CCDC7: variants seen among roughly 807,000 people sequenced by gnomAD.
The protein encoded by CCDC7 is coiled-coil domain-containing protein 7.
CCDC7 carries 183 observed loss-of-function variants against 196.9 expected under a neutral mutation model. The observed-to-expected ratio is 0.93, with a 90% CI of 0.82 to 1.05. The LOEUF (loss-of-function observed/expected upper bound fraction) is 1.05, where lower values mean the gene tolerates loss of function less well. Among genes scored for constraint, CCDC7 ranks in the 50% least tolerant of loss-of-function variants. The probability of loss-of-function intolerance (pLI) is 0.00; values close to 1 mark genes in which losing one functional copy is unlikely to be tolerated. For synonymous variants in CCDC7, 525 were observed against 484.6 expected (o/e 1.08, Z -1.10); for missense variants, 1,540 against 1,482.2 (o/e 1.04, Z -0.64).
chr10:32,792,575 C>CA (rs2082879921), intron 29 of CCDC7, among the ~76,000 whole-genome samples: 1 of 152,050 alleles, frequency 6.6e-6, no homozygotes, highest in Non-Finnish European at 1.5e-5. Context: ...CTGAGGTGGG[C>CA]AGATCACCTG....
chr10:32,556,313 C>G (rs1179320524), intron 13 of CCDC7, among the ~76,000 whole-genome samples: 1 of 152,096 alleles, frequency 6.6e-6, no homozygotes, highest in Non-Finnish European at 1.5e-5. Context: ...ATGGCTTAAA[C>G]AAGGTAGAAT....
intron 18 of CCDC7, among the ~76,000 whole-genome samples, chr10:32,631,564 T>A (rs143640309): frequency 6.6e-6 from 1 of 152,118 alleles, no homozygotes; most frequent in Non-Finnish European, 1.5e-5. Flanking sequence ...TTGTACCAAG[T>A]TTTTAAATTG....
At chr10:32,566,670 G>A (rs1272273592) in intron 14 of CCDC7, among the ~76,000 whole-genome samples, 1 of 151,730 alleles carries the variant, frequency 6.6e-6, no homozygotes, top group Non-Finnish European at 1.5e-5. Flanking sequence ...CAGCACTTTA[G>A]GGGGCCAAGG....
chr10:32,664,108 A>T (rs990074769), exon 21 of CCDC7: 1 of 396,760 alleles, frequency 2.5e-6, no homozygotes. Context: ...ACAAAGTCAA[A>T]AACGGAAGTA....
At chr10:32,531,251 T>C (rs914574003) in intron 11 of CCDC7, among the ~76,000 whole-genome samples, 2 of 152,116 alleles carry the variant, frequency 1.3e-5, no homozygotes, top group South Asian at 2.1e-4. Context: ...GCTTCCCTAG[T>C]AGCTGGAACC....
intron 18 of CCDC7, among the ~76,000 whole-genome samples, chr10:32,591,500 GT>G (rs1041622453): frequency 1.3e-5 from 2 of 148,704 alleles, no homozygotes; most frequent in Admixed American, 6.9e-5. Context: ...CTTTTTGCTT[GT>G]TTTTTTGTTT....
intron 29 of CCDC7, among the ~76,000 whole-genome samples, chr10:32,782,965 C>A (rs897562196): frequency 6.6e-6 from 1 of 152,106 alleles, no homozygotes; most frequent in Admixed American, 6.6e-5. Context: ...CAGATAGTCA[C>A]GTCAAAAGAA....
At chr10:32,813,981 CAG>C (rs2087764730) in intron 30 of CCDC7, among the ~76,000 whole-genome samples, 1 of 151,928 alleles carries the variant, frequency 6.6e-6, no homozygotes, top group South Asian at 2.1e-4. Context: ...TTTTTTGCGA[CAG>C]AGTCTCGCTG....
chr10:32,747,198 C>T (rs2074915600), intron 28 of CCDC7, among the ~76,000 whole-genome samples: 2 of 152,174 alleles, frequency 1.3e-5, no homozygotes. Flanking sequence ...CTTCCTTTCA[C>T]CACATGTAAA....
intron 6 of CCDC7, 119 bp downstream of exon 7, chr10:32,471,349 C>A: frequency 8.4e-7 from 1 of 1,191,434 alleles, no homozygotes; most frequent in Non-Finnish European, 1.1e-6. Flanking sequence ...TTAGTCAAAT[C>A]AGGTCTAGTC....
At chr10:32,623,539 T>C (rs905324546) in intron 18 of CCDC7, among the ~76,000 whole-genome samples, 1 of 152,198 alleles carries the variant, frequency 6.6e-6, no homozygotes, top group African/African-American at 2.4e-5. Flanking sequence ...TTAGTAAGTT[T>C]TAATGTCTTA....
At chr10:32,760,359 T>C (rs927042157) in intron 28 of CCDC7, among the ~76,000 whole-genome samples, 4 of 151,910 alleles carry the variant, frequency 2.6e-5, no homozygotes, top group South Asian at 2.1e-4. Flanking sequence ...TGTCCAACAA[T>C]GATAGACTGG....
intron 9 of CCDC7, among the ~76,000 whole-genome samples, chr10:32,506,571 A>G (rs2045173665): frequency 1.3e-5 from 2 of 152,328 alleles, no homozygotes; most frequent in South Asian, 4.1e-4. Context: ...AACATTGAGC[A>G]TTGAGTGAGT....
At chr10:32,642,964 T>G (rs1317188021) in intron 20 of CCDC7, among the ~76,000 whole-genome samples, 1 of 152,240 alleles carries the variant, frequency 6.6e-6, no homozygotes, top group Non-Finnish European at 1.5e-5. Context: ...TAAAGTTAAC[T>G]TTGAATAAAT....
chr10:32,786,858 T>C (rs1399335490), intron 29 of CCDC7, among the ~76,000 whole-genome samples: 1 of 151,738 alleles, frequency 6.6e-6, no homozygotes, highest in Non-Finnish European at 1.5e-5. Context: ...CAGAAAAACT[T>C]TGTAAAAAAA....
intron 13 of CCDC7, among the ~76,000 whole-genome samples, chr10:32,559,859 C>T (rs867375988): frequency 6.6e-5 from 10 of 152,104 alleles, no homozygotes; most frequent in South Asian, 2.1e-4. Flanking sequence ...AGGCTTCAGA[C>T]GATCAAACTA....
At chr10:32,622,323 A>G (rs2063507179) in intron 18 of CCDC7, among the ~76,000 whole-genome samples, 2 of 152,114 alleles carry the variant, frequency 1.3e-5, no homozygotes, top group Admixed American at 6.5e-5. Context: ...AAACAAAGGA[A>G]ATATGAGATT....
intron 21 of CCDC7, 95 bp from the exon 23 acceptor site, chr10:32,685,875 A>C (rs1259068274): frequency 1.5e-6 from 1 of 675,658 alleles, no homozygotes; most frequent in African/African-American, 1.9e-5. Context: ...GTGACTGAGA[A>C]TGCTCATGTA....
intron 16 of CCDC7, among the ~76,000 whole-genome samples, chr10:32,581,389 A>T (rs1370150998): frequency 1.3e-5 from 2 of 152,060 alleles, no homozygotes; most frequent in African/African-American, 4.8e-5. Context: ...TGCCTTCTAT[A>T]GTCATCATTG....
Sources: allele counts gnomAD v4.1 joint callset (sites outside exome capture counted in the v4.1 genomes callset), GRCh38; gene constraint gnomAD v4.1.1; transcripts MANE v1.5; gene names NCBI Gene and HGNC (gene_info 2026-07-23, HGNC 2026-07-21).